RIF1: variants seen among roughly 807,000 people sequenced by gnomAD.
The protein encoded by RIF1 is telomere-associated protein RIF1.
A neutral mutation model predicts 247.1 loss-of-function variants in RIF1; 45 were observed. The observed-to-expected ratio is 0.18, with a 90% CI of 0.14 to 0.23. RIF1 has a LOEUF of 0.23. Among genes scored for constraint, RIF1 ranks in the 10% least tolerant of loss-of-function variants. The probability of loss-of-function intolerance (pLI) is 1.00; values close to 1 mark genes in which losing one functional copy is unlikely to be tolerated. For synonymous variants in RIF1, 1,087 were observed against 978.8 expected (o/e 1.11, Z -2.06); for missense variants, 2,967 against 2,862.5 (o/e 1.04, Z -0.83).
intron 10 of RIF1, chr2:151,496,468 G>T (rs2060239304): frequency 6.8e-7 from 1 of 1,471,756 alleles, no homozygotes; most frequent in African/African-American, 1.4e-5. Context: ...AGAAAACACA[G>T]TCGTCCAAGG....
chr2:151,514,935 T>C, the RIF1 span: 1 of 1,510,314 alleles, frequency 6.6e-7, no homozygotes, highest in Non-Finnish European at 9.0e-7. Context: ...CTTTCTAATG[T>C]AAGTAGGAAG....
the RIF1 span, chr2:151,526,132 A>C: frequency 6.2e-7 from 1 of 1,611,572 alleles, no homozygotes; most frequent in Middle Eastern, 1.7e-4. Context: ...AGAGGGAAGC[A>C]GAACTCATGG....
chr2:151,412,390 T>C (rs1427944371), intron 3 of RIF1, among the ~76,000 whole-genome samples: 1 of 152,150 alleles, frequency 6.6e-6, no homozygotes, highest in African/African-American at 2.4e-5. Context: ...CTTGATAGGT[T>C]GCCTAAGCCA....
chr2:151,496,491 T>C, intron 10 of RIF1: 5 of 1,452,710 alleles, frequency 3.4e-6, no homozygotes, highest in East Asian at 2.5e-5. Context: ...CCAGAAGTTA[T>C]ATGCTGACAA....
intron 2 of RIF1, among the ~76,000 whole-genome samples, chr2:151,411,039 G>T (rs533617486): frequency 6.6e-6 from 1 of 152,120 alleles, no homozygotes; most frequent in African/African-American, 2.4e-5. Context: ...GTCACAACTT[G>T]CATGTACTCG....
At chr2:151,448,032 AAC>A (rs1693622650) in intron 20 of RIF1, among the ~76,000 whole-genome samples, 1 of 152,078 alleles carries the variant, frequency 6.6e-6, no homozygotes. Flanking sequence ...AAGTAAAAAT[AAC>A]AGTTCTTTTT....
intron 18 of RIF1, 34 bp downstream of exon 18, chr2:151,443,743 T>C: frequency 7.4e-7 from 1 of 1,355,522 alleles, no homozygotes; most frequent in Non-Finnish European, 9.7e-7. Flanking sequence ...TTTTGGATAA[T>C]AGACCTTTTT....
rs755582434 is a variant in RIF1 at position 151,497,040 on chromosome 2, G to A, written c.*513+1714G>A. The stretch of plus-strand genomic sequence containing the variant: ...TGTTTTCTTTGTATAACACCTGTGC[G>A]ATAAGAAAGCAACCAGAAAAACAAC... On this transcript the variant is annotated intron_variant and NMD_transcript_variant, in intron 10 of 13. Coordinates refer to the RIF1 transcript ENST00000454583. 34 of 1,561,722 alleles carry A rather than the reference G, an allele frequency of 2.2e-5. No individual in the cohort carries two copies. The highest frequency in any genetic ancestry group is 1.7e-4 in the Middle Eastern group (1 of 6,016).
At chr2:151,419,996 T>TA (rs1336016176) in intron 6 of RIF1, among the ~76,000 whole-genome samples, 194 bp from the exon 7 acceptor site, 4 of 152,138 alleles carry the variant, frequency 2.6e-5, no homozygotes, top group Non-Finnish European at 5.9e-5. Context: ...ATTGGTTCTT[T>TA]AAAAAAAATT....
the RIF1 span, among the ~76,000 whole-genome samples, chr2:151,517,460 G>A: frequency 6.6e-6 from 1 of 152,194 alleles, no homozygotes; most frequent in Admixed American, 6.5e-5. Flanking sequence ...CTGAATTTGT[G>A]ATATAGGAGG....
intron 3 of RIF1, among the ~76,000 whole-genome samples, chr2:151,413,192 A>G (rs1021583735): frequency 2.6e-5 from 4 of 151,364 alleles, no homozygotes; most frequent in East Asian, 1.9e-4. Flanking sequence ...ACGCCCAGCT[A>G]CTTTTTTTTT....
chr2:151,429,465 C>A (rs549530519), intron 9 of RIF1, among the ~76,000 whole-genome samples: 52 of 152,302 alleles, frequency 3.4e-4, no homozygotes, highest in Middle Eastern at 3.4e-3. Context: ...CAGGCGTGAG[C>A]CACTGCCCCC....
intron 11 of RIF1, chr2:151,502,738 T>C (rs2065672407): frequency 4.2e-6 from 4 of 954,012 alleles, no homozygotes; most frequent in Non-Finnish European, 1.7e-6. Flanking sequence ...TGTAAGGTGT[T>C]ATTATTTTAA....
At chr2:151,460,910 A>G (rs1329734967) in intron 26 of RIF1, among the ~76,000 whole-genome samples, 1 of 152,208 alleles carries the variant, frequency 6.6e-6, no homozygotes, top group African/African-American at 2.4e-5. Context: ...AGTTAAGCAC[A>G]GACTTCCCTA....
chr2:151,521,731 G>A, the RIF1 span, among the ~76,000 whole-genome samples: 1 of 152,084 alleles, frequency 6.6e-6, no homozygotes, highest in African/African-American at 2.4e-5. Context: ...TTTTTCTTCT[G>A]TTAATTTCAA....
intron 11 of RIF1, among the ~76,000 whole-genome samples, chr2:151,435,946 A>G (rs911458667): frequency 6.6e-6 from 1 of 152,060 alleles, no homozygotes; most frequent in African/African-American, 2.4e-5. Flanking sequence ...CACATCGGCC[A>G]GGTGAGGTGG....
intron 7 of RIF1, among the ~76,000 whole-genome samples, chr2:151,421,827 G>A (rs1329302136): frequency 6.6e-6 from 1 of 151,694 alleles, no homozygotes; most frequent in East Asian, 1.9e-4. Flanking sequence ...CAATTTTAGT[G>A]ACATATATAA....
intron 25 of RIF1, 25 bp from the exon 26 acceptor site, chr2:151,459,975 A>G: frequency 6.7e-7 from 1 of 1,497,940 alleles, no homozygotes; most frequent in African/African-American, 1.4e-5. Flanking sequence ...TATTTAATGA[A>G]ATTGTTTCAT....
intron 8 of RIF1, among the ~76,000 whole-genome samples, chr2:151,424,430 C>G (rs1330011341): frequency 2.0e-5 from 3 of 152,130 alleles, no homozygotes; most frequent in African/African-American, 7.2e-5. Context: ...TTATCCATGT[C>G]ATAACATATA....
Sources: gnomAD v4.1 joint callset for allele counts (sites outside exome capture counted in the v4.1 genomes callset) on GRCh38, gnomAD v4.1.1 for gene constraint, MANE v1.5 for transcripts, NCBI Gene and HGNC (gene_info 2026-07-23, HGNC 2026-07-21) for gene names.